The following TBC1D9 variants were observed in gnomAD, a reference collection of about 807,000 sequenced individuals.
TBC1D9 encodes the protein TBC1 domain family member 9, also known as TBC1 domain family member 9A.
Under a neutral mutation model 132.0 loss-of-function variants are expected in TBC1D9, and 63 were observed. That is an observed-to-expected ratio of 0.48 (90% CI 0.39 to 0.59). TBC1D9 has a LOEUF of 0.59. TBC1D9 is among the 20% of genes least tolerant of loss of function. The pLI is 0.00. For synonymous variants in TBC1D9, 610 were observed against 609.9 expected (o/e 1.00, Z 0.00); for missense variants, 1,261 against 1,592.7 (o/e 0.79, Z 3.54).
In TBC1D9 at chr4:140,655,940, A is replaced by G. The variant is rs551294720; in HGVS notation, c.2337+1157T>C. On this transcript the variant is annotated intron_variant, in intron 13 of 20. Coordinates refer to ENST00000442267, the MANE Select transcript of TBC1D9 (RefSeq NM_015130.3). Reference sequence around the variant, plus strand: ...CCCATCCCTACTCTCAACAGCCCCTACTTAATCTACAAAGAGTTCAATCTG... The same window carrying G: ...CCCATCCCTACTCTCAACAGCCCCTGCTTAATCTACAAAGAGTTCAATCTG... 5.9e-5 allele frequency among the ~76,000 whole-genome samples: 9 copies of G among 152,232 alleles called. No individual in the cohort carries two copies. The East Asian group carries it at 1.5e-3, about 26-fold the overall frequency.
At chr4:140,623,589 T>C (rs1736658632) in intron 20 of TBC1D9, among the ~76,000 whole-genome samples, 1 of 152,162 alleles carries the variant, frequency 6.6e-6, no homozygotes, top group Non-Finnish European at 1.5e-5. Flanking sequence ...ACCTCAATTT[T>C]TCCAAGGTTA....
At chr4:140,661,325 T>C (rs557871339) in intron 10 of TBC1D9, among the ~76,000 whole-genome samples, 2 of 152,362 alleles carry the variant, frequency 1.3e-5, no homozygotes, top group Admixed American at 1.3e-4. Context: ...TTCTTAATAC[T>C]AAGTTAAGCA....
intron 13 of TBC1D9, chr4:140,642,596 T>G (rs1021169397): frequency 4.6e-6 from 4 of 878,952 alleles, no homozygotes; most frequent in African/African-American, 1.7e-5. Flanking sequence ...GCTGTCCATC[T>G]TCTTCTTCTT....
chr4:140,677,474 C>T (rs1737643524), intron 5 of TBC1D9, among the ~76,000 whole-genome samples: 1 of 152,142 alleles, frequency 6.6e-6, no homozygotes. Context: ...CTTTTAAGAC[C>T]TAATGAGAAT....
At chr4:140,742,324 G>A (rs900050213) in intron 1 of TBC1D9, among the ~76,000 whole-genome samples, 7 of 152,022 alleles carry the variant, frequency 4.6e-5, no homozygotes, top group African/African-American at 7.3e-5. Context: ...ATGAGGTCAG[G>A]AGTTTGAGAC....
intron 2 of TBC1D9, among the ~76,000 whole-genome samples, chr4:140,695,233 A>T (rs192840712): frequency 3.3e-5 from 5 of 152,326 alleles, no homozygotes; most frequent in Non-Finnish European, 2.9e-5. Context: ...AGCACCACAT[A>T]ACTAGTTATA....
At chr4:140,731,173 G>T (rs1467301583) in intron 1 of TBC1D9, among the ~76,000 whole-genome samples, 2 of 152,164 alleles carry the variant, frequency 1.3e-5, no homozygotes, top group Non-Finnish European at 2.9e-5. Flanking sequence ...AGCACTTATT[G>T]CTGAGTAGCT....
intron 10 of TBC1D9, among the ~76,000 whole-genome samples, chr4:140,660,212 CGG>C (rs1209290582): frequency 6.6e-6 from 1 of 152,238 alleles, no homozygotes; most frequent in African/African-American, 2.4e-5. Context: ...CATTTCCATA[CGG>C]AGAGAGATGG....
At chr4:140,627,413 A>G (rs2110964696) in intron 18 of TBC1D9, 28 bp downstream of exon 18, 1 of 1,409,872 alleles carries the variant, frequency 7.1e-7, no homozygotes, top group East Asian at 2.3e-5. Context: ...AAACAAATAT[A>G]GTATCTTTGG....
rs1479051562 is a variant in TBC1D9, at chr4:140,622,385, C to A, written c.3611G>T (p.Ser1204Ile). 6.2e-7 allele frequency: 1 copy of A among 1,613,046 alleles called. No homozygotes were observed. ...GGTGATGGCCCAGTCCCGGTCCAGGCTGGTGCTCCGGGGCAGTGCCGCCGT... is the reference window on the plus strand; with the variant it reads ...GGTGATGGCCCAGTCCCGGTCCAGGATGGTGCTCCGGGGCAGTGCCGCCGT... ...QGTAALPRST[S>I]LDRDWAITFE... Residue 1204 changes from serine to isoleucine, a missense_variant, in exon 21 of 21, where the codon AGC becomes ATC. Physicochemically the swap from Ser to Ile is moderately radical, Grantham distance 142. Transcript: ENST00000442267.
intron 1 of TBC1D9, among the ~76,000 whole-genome samples, chr4:140,742,227 T>C (rs879820521): frequency 6.6e-6 from 1 of 151,996 alleles, no homozygotes; most frequent in Non-Finnish European, 1.5e-5. Flanking sequence ...CCAGTGGCAA[T>C]TGCAGAACAC....
intron 13 of TBC1D9, chr4:140,642,689 A>G (rs377210297): frequency 6.0e-6 from 4 of 667,986 alleles, no homozygotes; most frequent in South Asian, 1.9e-5. Flanking sequence ...CCCTGTTCCA[A>G]TAAGGGCATT....
In TBC1D9 at chr4:140,739,657, A is replaced by G. The variant is rs78033048; in HGVS notation, c.130+16259T>C. Among the ~76,000 whole-genome samples the G allele has an allele frequency of 9.2e-5, 14 of 152,342 alleles. No individual in the cohort carries two copies. The East Asian group carries it at 1.7e-3, about 19-fold the overall frequency. Reference sequence around the variant, plus strand: ...ATTGTCTATGCTAATTATAAAATGAATTTTTAAAAATTCATTTGTACATAT... The same window carrying G: ...ATTGTCTATGCTAATTATAAAATGAGTTTTTAAAAATTCATTTGTACATAT... On this transcript the variant is annotated intron_variant, in intron 1 of 20. Coordinates refer to ENST00000442267, the MANE Select transcript of TBC1D9 (RefSeq NM_015130.3).
intron 18 of TBC1D9, among the ~76,000 whole-genome samples, chr4:140,624,746 G>C (rs1342877824): frequency 6.6e-6 from 1 of 152,168 alleles, no homozygotes; most frequent in Non-Finnish European, 1.5e-5. Context: ...CTGGGGTTCA[G>C]TGTACAATAA....
rs28537234 is a variant in TBC1D9, at chr4:140,718,936, T to A, written c.131-17322A>T. Reference sequence around the variant, plus strand: ...TATTTTTGTAAAAACACAAAAAAAATTTGTATTTTTAGTCTCTACTAAAAA... The same window carrying A: ...TATTTTTGTAAAAACACAAAAAAAAATTGTATTTTTAGTCTCTACTAAAAA... On this transcript the variant is annotated intron_variant, in intron 1 of 20. Transcript: ENST00000442267. 5.9e-3 allele frequency among the ~76,000 whole-genome samples: 893 copies of A among 151,856 alleles called. 14 individuals carry two copies. The highest frequency in any genetic ancestry group is 0.021 in the African/African-American group (858 of 41,376).
At chr4:140,635,998 G>A (rs1465343532) in intron 15 of TBC1D9, among the ~76,000 whole-genome samples, 1 of 152,162 alleles carries the variant, frequency 6.6e-6, no homozygotes, top group Non-Finnish European at 1.5e-5. Context: ...GAGCTACATC[G>A]GTTGACAAAG....
Position 140,622,128 on chromosome 4 carries a change from C to T in TBC1D9, c.*67G>A, listed in dbSNP as rs778471856. On this transcript the variant is annotated 3_prime_UTR_variant, in exon 21 of 21. Coordinates refer to ENST00000442267, the MANE Select transcript of TBC1D9 (RefSeq NM_015130.3). ...ATTTAAAAGAAAGAAAGAAAAAACT[C>T]AACACAGAAGAACATAAAAAATCCC... The T allele has an allele frequency of 4.4e-5, 66 of 1,490,570 alleles. No individual in the cohort carries two copies. The highest frequency in any genetic ancestry group is 5.8e-5 in the Non-Finnish European group (65 of 1,119,766). The allele number at this position is 1,490,570 out of a possible 1,614,324, so 92.3% of individuals were successfully genotyped here.
Position 140,705,553 on chromosome 4 carries a change from C to T in TBC1D9, c.131-3939G>A, listed in dbSNP as rs192607759. On this transcript the variant is annotated intron_variant, in intron 1 of 20. Transcript: ENST00000442267. ...GTGTGTGTGTGTGTGCGTTTTAAAC[C>T]TAAATAATAAATTATCACCATGCTA... Among the ~76,000 whole-genome samples, 50 of 149,728 alleles carry T rather than the reference C, an allele frequency of 3.3e-4. 1 individual carries two copies. Among genetic ancestry groups the T allele is most frequent in the African/African-American group, 1.2e-3 (49 of 40,654 alleles).
Position 140,679,092 on chromosome 4 carries a change from A to G in TBC1D9, c.701T>C (p.Val234Ala). 6.2e-7 allele frequency: 1 copy of G among 1,613,990 alleles called. No homozygotes were observed. The highest frequency in any genetic ancestry group is 8.5e-7 in the Non-Finnish European group (1 of 1,179,852). ...STRSSEHFFS[V>A]FLNINETFKL... ...GAAGGTCTCGTTGATGTTGAGGAAT[A>G]CAGAGAAGAAATGCTCACTGGACCG... The change falls in exon 5 of 21, where the codon GTA becomes GCA. Residue 234 changes from valine (V) to alanine (A), a missense_variant. This residue lies in a region of TBC1D9 where 550 missense variants were observed against 699.0 expected (regional missense o/e 0.79). Coordinates refer to ENST00000442267, the MANE Select transcript of TBC1D9 (RefSeq NM_015130.3).
Sources: allele counts gnomAD v4.1 joint callset (sites outside exome capture counted in the v4.1 genomes callset), GRCh38; gene constraint gnomAD v4.1.1; regional missense constraint gnomAD v4.1.1; transcripts MANE v1.5; gene names NCBI Gene and HGNC (gene_info 2026-07-23, HGNC 2026-07-21).